LRRK2: variants seen among roughly 807,000 people sequenced by gnomAD.
LRRK2 encodes leucine rich repeat kinase 2.
Under a neutral mutation model 302.6 loss-of-function variants are expected in LRRK2, and 203 were observed. The observed-to-expected ratio is 0.67, with a 90% CI of 0.60 to 0.75. LRRK2 has a LOEUF of 0.75. Ranked by LOEUF, LRRK2 falls within the 30% of genes least tolerant of loss-of-function variation. The pLI is 0.00. For synonymous variants in LRRK2, 1,066 were observed against 1,031.9 expected (o/e 1.03, Z -0.63); for missense variants, 2,830 against 2,951.0 (o/e 0.96, Z 0.95).
intron 27 of LRRK2, chr12:40,304,392 GTA>G (rs1228788499): frequency 1.8e-6 from 1 of 555,512 alleles, no homozygotes; most frequent in Non-Finnish European, 3.2e-6. Context: ...AAATAAGGTA[GTA>G]GCCTTAATAC....
rs1592355823 is a variant in LRRK2, at chr12:40,366,909, G to A, written c.7391-97G>A. 1.6e-5 allele frequency: 13 copies of A among 815,944 alleles called. No homozygotes were observed. In the East Asian group the frequency reaches 3.6e-4, roughly 22 times the overall value. 50.5% of individuals were successfully genotyped at this position (815,944 alleles called of 1,614,324 possible). On this transcript the variant is annotated intron_variant, in intron 49 of 50. Coordinates refer to ENST00000298910, the MANE Select transcript of LRRK2 (RefSeq NM_198578.4). ...ATAGAATTGTGAATTCAGTTCCAAG[G>A]TATTTGTGTCTTAAACTATGAACAA...
Position 40,310,668 on chromosome 12 carries a change from A to G in LRRK2, c.4536+19A>G. On this transcript the variant is annotated intron_variant, in intron 31 of 50. Coordinates refer to ENST00000298910, the MANE Select transcript of LRRK2 (RefSeq NM_198578.4). ...TTTCAAGGTAACATGGTAGGCTGGTAGAGAAATGTAATTTATTGATTCTCA... is the reference window on the plus strand; with the variant it reads ...TTTCAAGGTAACATGGTAGGCTGGTGGAGAAATGTAATTTATTGATTCTCA... 1 of 1,608,634 alleles carries G rather than the reference A, an allele frequency of 6.2e-7. No homozygotes were observed. Among genetic ancestry groups the G allele is most frequent in the South Asian group, 1.1e-5 (1 of 90,946 alleles).
chr12:40,272,588 A>G (rs1380992731), intron 14 of LRRK2, among the ~76,000 whole-genome samples: 1 of 152,168 alleles, frequency 6.6e-6, no homozygotes, highest in Non-Finnish European at 1.5e-5. Flanking sequence ...TATGACTTGA[A>G]GTCATATTAG....
At chr12:40,259,915 G>A (rs563852417) in intron 13 of LRRK2, among the ~76,000 whole-genome samples, 2 of 152,200 alleles carry the variant, frequency 1.3e-5, no homozygotes, top group Admixed American at 1.3e-4. Flanking sequence ...CATGACCTGA[G>A]TTCAAGCTTT....
intron 12 of LRRK2, among the ~76,000 whole-genome samples, chr12:40,258,873 A>T (rs1163978506): frequency 6.6e-6 from 1 of 152,220 alleles, no homozygotes; most frequent in Non-Finnish European, 1.5e-5. Flanking sequence ...TAACAAGCAA[A>T]GCAAGGATTG....
intron 2 of LRRK2, among the ~76,000 whole-genome samples, chr12:40,226,412 T>C (rs1192110528): frequency 6.6e-6 from 1 of 152,228 alleles, no homozygotes; most frequent in African/African-American, 2.4e-5. Context: ...GCATGTTAAC[T>C]CATGCAGAGA....
chr12:40,310,693 A>C, intron 31 of LRRK2, 44 bp downstream of exon 31: 19 of 1,587,060 alleles, frequency 1.2e-5, no homozygotes, highest in Non-Finnish European at 1.4e-5. Flanking sequence ...ATTGATTCTC[A>C]ACTGCCTAGA....
chr12:40,281,067 CAA>C (rs370464332), intron 18 of LRRK2, among the ~76,000 whole-genome samples: 11 of 129,280 alleles, frequency 8.5e-5, no homozygotes, highest in African/African-American at 1.7e-4. Flanking sequence ...GACTCCGTCT[CAA>C]AAAAAAAAAA....
At chr12:40,232,769 G>C (rs1941261107) in intron 3 of LRRK2, 1 of 167,176 alleles carries the variant, frequency 6.0e-6, no homozygotes, top group Non-Finnish European at 1.3e-5. Context: ...AGTTCTGTAA[G>C]TAGTAATTTG....
intron 19 of LRRK2, among the ~76,000 whole-genome samples, chr12:40,284,475 CTT>C (rs34166423): frequency 0.28 from 42,648 of 151,446 alleles, 6,346 homozygotes; most frequent in South Asian, 0.38. Context: ...TATTTTATCT[CTT>C]ATAAGTAATT....
rs1942669431 is a variant in LRRK2, at chr12:40,259,379, A to G, written c.1419-101A>G. On this transcript the variant is annotated intron_variant, in intron 12 of 50. Coordinates refer to ENST00000298910, the MANE Select transcript of LRRK2 (RefSeq NM_198578.4). ...GCATTTTCATATAGTCTTTCCTGATAAAATATATTGGTTCTGCCCTCCTGT... is the reference window on the plus strand; with the variant it reads ...GCATTTTCATATAGTCTTTCCTGATGAAATATATTGGTTCTGCCCTCCTGT... 1.1e-5 allele frequency: 16 copies of G among 1,421,700 alleles called. No homozygotes were observed. The South Asian group carries it at 1.9e-4, about 16-fold the overall frequency. 88.1% of individuals were successfully genotyped at this position (1,421,700 alleles called of 1,614,324 possible).
At chr12:40,275,074 A>G in intron 16 of LRRK2, 81 bp downstream of exon 16, 1 of 1,432,368 alleles carries the variant, frequency 7.0e-7, no homozygotes, top group Non-Finnish European at 9.8e-7. Flanking sequence ...CCCACTTTGC[A>G]TGAATGGGGT....
At position 40,303,718 on chromosome 12, in the gene LRRK2, A is replaced by G. The variant is rs116309265; in HGVS notation, c.3591-230A>G. ...TTCCTAATAATGCCCTACGATAGCC[A>G]CTGTTATTATCTCCACTTCATAAGA... On this transcript the variant is annotated intron_variant, in intron 26 of 50. Transcript: ENST00000298910. 8.1e-3 allele frequency among the ~76,000 whole-genome samples: 1,225 copies of G among 152,160 alleles called. 13 individuals are homozygous for G. Among genetic ancestry groups the G allele is most frequent in the African/African-American group, 0.028 (1,158 of 41,544 alleles).
intron 28 of LRRK2, among the ~76,000 whole-genome samples, chr12:40,306,927 T>G (rs1314839119): frequency 1.3e-5 from 2 of 152,116 alleles, no homozygotes; most frequent in Admixed American, 6.6e-5. Flanking sequence ...CCTACCCAAT[T>G]ATTTTTCTCT....
intron 14 of LRRK2, among the ~76,000 whole-genome samples, chr12:40,265,270 T>C: frequency 6.6e-6 from 1 of 152,340 alleles, no homozygotes; most frequent in Non-Finnish European, 1.5e-5. Context: ...TGCTTTGTAC[T>C]CTTCTCTCCT....
At chr12:40,352,272 A>T (rs1364853374) in intron 44 of LRRK2, among the ~76,000 whole-genome samples, 1 of 152,146 alleles carries the variant, frequency 6.6e-6, no homozygotes, top group Non-Finnish European at 1.5e-5. Flanking sequence ...TCTGAACTAT[A>T]GTAGCCAACA....
At chr12:40,285,203 T>G (rs1027756271) in intron 19 of LRRK2, among the ~76,000 whole-genome samples, 3 of 152,144 alleles carry the variant, frequency 2.0e-5, no homozygotes, top group African/African-American at 7.2e-5. Context: ...TCTGGAAGGT[T>G]CTCTTACATG....
chr12:40,320,196 T>C, intron 34 of LRRK2, 21 bp downstream of exon 34: 18 of 1,588,892 alleles, frequency 1.1e-5, no homozygotes, highest in Non-Finnish European at 1.6e-5. Flanking sequence ...CCTTAAAAAA[T>C]TAATTGCTAC....
chr12:40,312,583 C>A (rs985940490), intron 31 of LRRK2: 1 of 152,084 alleles, frequency 6.6e-6, no homozygotes, highest in African/African-American at 2.4e-5. Flanking sequence ...GGTGTCTGTG[C>A]AGACACTTTT....
Sources: allele counts gnomAD v4.1 joint callset (sites outside exome capture counted in the v4.1 genomes callset), GRCh38; gene constraint gnomAD v4.1.1; transcripts MANE v1.5; gene names NCBI Gene and HGNC (gene_info 2026-07-23, HGNC 2026-07-21).